Variants in AHNAK observed in about 807,000 individuals in gnomAD.
The protein encoded by AHNAK is AHNAK nucleoprotein.
Under a neutral mutation model 37.8 loss-of-function variants are expected in AHNAK, and 23 were observed. The observed-to-expected ratio is 0.61, with a 90% confidence interval of 0.44 to 0.86. The LOEUF (loss-of-function observed/expected upper bound fraction) is 0.86. Among genes scored for constraint, AHNAK ranks in the 40% least tolerant of loss-of-function variants. The probability of loss-of-function intolerance (pLI) is 0.00; values close to 1 mark genes in which losing one functional copy is unlikely to be tolerated. For missense variants in AHNAK, 7,411 were observed against 7,319.4 expected (o/e 1.01, Z -0.46); for synonymous variants, 2,481 against 2,636.3 (o/e 0.94, Z 1.80).
In AHNAK at chr11:62,517,023, C is replaced by T. The variant is rs570830533; in HGVS notation, c.17394G>A (p.Thr5798=). The T allele has an allele frequency of 4.3e-6, 7 of 1,614,218 alleles. No individual in the cohort carries two copies. The highest frequency in any genetic ancestry group is 5.9e-6 in the Non-Finnish European group (7 of 1,180,028). Residue 5798 remains threonine, a synonymous_variant, in exon 5 of 5, where the codon ACG becomes ACA. Coordinates refer to ENST00000378024, the MANE Select transcript of AHNAK (RefSeq NM_001620.3). The stretch of plus-strand genomic sequence containing the variant: ...ACACTTCCCCACCTTCAAACTCCAG[C>T]GTCCCCGTCGGGGTGGAAGGTCCAG... ...EFSGPSTPTG[T]LEFEGGEVSL... is the part of the protein sequence containing the mutation.
intron 5 of AHNAK, among the ~76,000 whole-genome samples, chr11:62,478,998 C>T (rs1430701349): frequency 6.6e-6 from 1 of 151,974 alleles, no homozygotes; most frequent in Admixed American, 6.6e-5. Flanking sequence ...GCCTCAGCCT[C>T]CTGAGTAGCT....
Position 62,516,449 on chromosome 11 carries a change from A to G in AHNAK, c.*295T>C. 1.6e-6 allele frequency: 2 copies of G among 1,280,762 alleles called. No homozygotes were observed. Among genetic ancestry groups the G allele is most frequent in the Non-Finnish European group, 2.0e-6 (2 of 1,003,770 alleles). 79.3% of individuals were successfully genotyped at this position (1,280,762 alleles called of 1,614,324 possible). The stretch of plus-strand genomic sequence containing the variant: ...GGATAATAAACACAAAAGCTTGCTT[A>G]GTAAACAGGAGCTCTCAGCAGTCAA... On this transcript the variant is annotated 3_prime_UTR_variant, in exon 5 of 5. Transcript: ENST00000378024.
chr11:62,530,356 A>C lies in AHNAK; in HGVS notation c.4061T>G (p.Val1354Gly). The change falls in exon 5 of 5, where the codon GTG (valine) becomes GGG (glycine). Residue 1354 changes from valine to glycine, a missense_variant. Physicochemically the swap from Val to Gly is moderately radical, Grantham distance 109. Transcript: ENST00000378024. Reference sequence around the variant, plus strand: ...GGGCCCTTTAATGTCAACATCTGGCACTTTCATTTCACCTTCTACCTCAGG... The same window carrying C: ...GGGCCCTTTAATGTCAACATCTGGCCCTTTCATTTCACCTTCTACCTCAGG... ...SLPEVEGEMK[V>G]PDVDIKGPKV... is the part of the protein sequence containing the mutation. The C allele has an allele frequency of 1.2e-6, 2 of 1,613,972 alleles. No individual in the cohort carries two copies.
rs1303333801 is a variant in AHNAK, at chr11:62,522,357, A to T, written c.12060T>A (p.Asp4020Glu). ...CACCTTCCATCTTAGGCAGAGAAAC[A>T]TCCACATCTCCTTTCACCTTAGGGC... ...LKGPKVKGDV[D>E]VSLPKMEGDL... Residue 4020 changes from aspartate (D) to glutamate (E), a missense_variant, in exon 5 of 5, where the codon GAT (aspartate) becomes GAA (glutamate). Coordinates refer to ENST00000378024, the MANE Select transcript of AHNAK (RefSeq NM_001620.3). The T allele has an allele frequency of 6.2e-7, 1 of 1,613,838 alleles. No homozygotes were observed. Among genetic ancestry groups the T allele is most frequent in the South Asian group, 1.1e-5 (1 of 91,058 alleles).
chr11:62,445,890 C>T (rs1275537054), intron 5 of AHNAK, among the ~76,000 whole-genome samples: 1 of 151,930 alleles, frequency 6.6e-6, no homozygotes, highest in African/African-American at 2.4e-5. Flanking sequence ...GTAGCGGGTG[C>T]CTGTAGTCCC....
At chr11:62,495,643 G>A (rs1939593849) in intron 4 of AHNAK, among the ~76,000 whole-genome samples, 1 of 151,648 alleles carries the variant, frequency 6.6e-6, no homozygotes. Flanking sequence ...GGAAGCTGAG[G>A]TAGGAGAATC....
Position 62,439,664 on chromosome 11 carries a change from G to GTTTTTTTTTTTTTTTTTTT in AHNAK, c.443-5774_443-5773insAAAAAAAAAAAAAAAAAAA, listed in dbSNP as rs1565194563. ...TTTGGTTTGTTTTGGATTTTTGTGT[G>GTTTTTTTTTTTTTTTTTTT]ATTTTTTTTTTTTTTTTTTTTGAGA... On this transcript the variant is annotated intron_variant, in intron 5 of 5. Transcript: ENST00000257247. Among the ~76,000 whole-genome samples, 6 of 126,420 alleles carry GTTTTTTTTTTTTTTTTTTT rather than the reference G, an allele frequency of 4.7e-5. 2 individuals carry two copies. Among genetic ancestry groups the GTTTTTTTTTTTTTTTTTTT allele is most frequent in the Non-Finnish European group, 5.0e-5 (3 of 60,326 alleles). The allele number at this position is 126,420 out of a possible 152,430, so 82.9% of individuals were successfully genotyped here. A position where few individuals can be genotyped will look rare whatever the true frequency, so the allele number is the denominator to read the frequency against.
In AHNAK at chr11:62,519,142, T is replaced by C. The variant is rs759946113; in HGVS notation, c.15275A>G (p.Asp5092Gly). Residue 5092 changes from aspartate (D) to glycine (G), a missense_variant, in exon 5 of 5, where the codon GAT (aspartate) becomes GGT (glycine). Transcript: ENST00000378024. The part of the protein sequence containing the change: ...KTMFGKMYFP[D>G]VEFDIKSPKF... Reference sequence around the variant, plus strand: ...AGGTGATTTAATGTCAAACTCTACATCTGGGAAGTACATTTTTCCAAACAT... The same window carrying C: ...AGGTGATTTAATGTCAAACTCTACACCTGGGAAGTACATTTTTCCAAACAT... 66 of 1,613,756 alleles carry C rather than the reference T, an allele frequency of 4.1e-5. 1 individual carries two copies. The South Asian group carries it at 6.9e-4, about 17-fold the overall frequency.
chr11:62,538,836 T>C (rs776208178), intron 1 of AHNAK, among the ~76,000 whole-genome samples: 10 of 152,198 alleles, frequency 6.6e-5, no homozygotes, highest in Non-Finnish European at 7.3e-5. Context: ...AAATGAAATA[T>C]ACATGGGGTC....
At chr11:62,456,660 A>G (rs1311558846) in intron 5 of AHNAK, among the ~76,000 whole-genome samples, 1 of 152,056 alleles carries the variant, frequency 6.6e-6, no homozygotes, top group East Asian at 1.9e-4. Flanking sequence ...CAGTGGTGGC[A>G]TGTCACCCCA....
At chr11:62,538,159 G>A (rs576501106) in intron 1 of AHNAK, among the ~76,000 whole-genome samples, 3 of 152,162 alleles carry the variant, frequency 2.0e-5, no homozygotes, top group African/African-American at 7.2e-5. Context: ...CTCACCAGCT[G>A]GCAGCTCTGG....
intron 5 of AHNAK, among the ~76,000 whole-genome samples, chr11:62,462,948 T>C (rs575309841): frequency 6.6e-6 from 1 of 152,114 alleles, no homozygotes; most frequent in Non-Finnish European, 1.5e-5. Flanking sequence ...CTGGTCAACA[T>C]GGAGAAACCC....
In AHNAK at chr11:62,530,107, G is replaced by A. The variant is rs1157713382; in HGVS notation, c.4310C>T (p.Pro1437Leu). ...IEGPDAKLKG[P>L]KFKMPEMSIK... ...ACTCATTTCTGGCATCTTGAATTTG[G>A]GACCTTTTAGTTTTGCGTCTGGACC... The change falls in exon 5 of 5, where the codon CCC becomes CTC. Residue 1437 changes from proline to leucine, a missense_variant. Coordinates refer to ENST00000378024, the MANE Select transcript of AHNAK (RefSeq NM_001620.3). 2 of 1,613,864 alleles carry A rather than the reference G, an allele frequency of 1.2e-6. No individual in the cohort carries two copies. The highest frequency in any genetic ancestry group is 1.7e-6 in the Non-Finnish European group (2 of 1,179,958).
chr11:62,480,275 C>T (rs1002294253), intron 5 of AHNAK, among the ~76,000 whole-genome samples: 2 of 152,184 alleles, frequency 1.3e-5, no homozygotes, highest in African/African-American at 4.8e-5. Flanking sequence ...GGAAATAAAT[C>T]TCAAGGGTTA....
intron 4 of AHNAK, among the ~76,000 whole-genome samples, chr11:62,493,319 T>C (rs1265374711): frequency 7.2e-6 from 1 of 138,516 alleles, no homozygotes; most frequent in Non-Finnish European, 1.5e-5. Flanking sequence ...CGGCCTGTTT[T>C]CTTTCTTTCT....
In AHNAK at chr11:62,527,716, A is replaced by G; in HGVS notation, c.6701T>C (p.Val2234Ala). The part of the protein sequence containing the change: ...KVDIDAPDVD[V>A]HGPDWHLKMP... ...CTTCAGGTGCCAGTCTGGGCCATGA[A>G]CATCCACATCTGGGGCATCAATGTC... The change falls in exon 5 of 5, where the codon GTT (valine) becomes GCT (alanine). Residue 2234 changes from valine (V) to alanine (A), a missense_variant. By Grantham distance (64) the Val-to-Ala change is moderately conservative. Transcript: ENST00000378024. The G allele has an allele frequency of 6.2e-7, 1 of 1,614,062 alleles. No individual in the cohort carries two copies. Among genetic ancestry groups the G allele is most frequent in the Non-Finnish European group, 8.5e-7 (1 of 1,180,006 alleles).
chr11:62,535,640 C>T (rs1333354823), intron 3 of AHNAK, among the ~76,000 whole-genome samples: 3 of 149,334 alleles, frequency 2.0e-5, no homozygotes, highest in African/African-American at 7.5e-5. Context: ...AAGAACAAAA[C>T]TCCATCTAAA....
chr11:62,433,712 G>C, exon 6 of AHNAK: 1 of 799,360 alleles, frequency 1.3e-6, no homozygotes, highest in Non-Finnish European at 2.0e-6. Flanking sequence ...GGCCTGGCTG[G>C]AGCTATAAAC....
chr11:62,509,657 C>T (rs557193508), intron 4 of AHNAK, among the ~76,000 whole-genome samples: 54 of 152,286 alleles, frequency 3.5e-4, no homozygotes, highest in Non-Finnish European at 6.6e-4. Context: ...CGGGCATGGT[C>T]GCAAATCCCA....
Sources: allele counts gnomAD v4.1 joint callset (sites outside exome capture counted in the v4.1 genomes callset), GRCh38; gene constraint gnomAD v4.1.1; transcripts MANE v1.5; gene names NCBI Gene and HGNC (gene_info 2026-07-23, HGNC 2026-07-21).